Variants in ARHGEF3 observed in about 807,000 individuals in gnomAD.
ARHGEF3 encodes the protein 59.8 kDA protein.
Under a neutral mutation model 63.2 loss-of-function variants are expected in ARHGEF3, and 28 were observed. The observed-to-expected ratio is 0.44, with a 90% confidence interval of 0.33 to 0.61. The LOEUF (loss-of-function observed/expected upper bound fraction) is 0.61. ARHGEF3 is among the 20% of genes least tolerant of loss of function. The pLI, the probability that ARHGEF3 is intolerant of heterozygous loss-of-function variation, is 0.03. For synonymous variants in ARHGEF3, 266 were observed against 254.2 expected (o/e 1.05, Z -0.44); for missense variants, 533 against 659.3 (o/e 0.81, Z 2.10).
Position 57,068,088 on chromosome 3 carries a change from A to G in ARHGEF3, c.-28+11138T>C, listed in dbSNP as rs1390174591. On this transcript the variant is annotated intron_variant, in intron 1 of 12. Coordinates refer to the ARHGEF3 transcript ENST00000338458. Reference sequence around the variant, plus strand: ...CTCTGGAGGCCAAGGCAAGAGGATCACTTGAGCCCAGAGGACACTAGACAC... The same window carrying G: ...CTCTGGAGGCCAAGGCAAGAGGATCGCTTGAGCCCAGAGGACACTAGACAC... Among the ~76,000 whole-genome samples the G allele has an allele frequency of 2.6e-5, 4 of 152,120 alleles. No homozygotes were observed. In the East Asian group the frequency reaches 7.7e-4, roughly 29 times the overall value.
intron 3 of ARHGEF3, among the ~76,000 whole-genome samples, chr3:56,892,350 G>C (rs982601301): frequency 6.6e-6 from 1 of 152,078 alleles, no homozygotes; most frequent in African/African-American, 2.4e-5. Flanking sequence ...GCACAAAATT[G>C]CATTAACCAG....
At chr3:56,944,568 C>T (rs372530253) in intron 3 of ARHGEF3, among the ~76,000 whole-genome samples, 892 of 65,738 alleles carry the variant, frequency 0.014, no homozygotes, top group Admixed American at 0.018. Flanking sequence ...AAAGTGGTTT[C>T]TTTTTTTTTT....
intron 3 of ARHGEF3, among the ~76,000 whole-genome samples, chr3:56,955,201 CT>C (rs1233554108): frequency 7.8e-6 from 1 of 127,530 alleles, no homozygotes; most frequent in Admixed American, 7.9e-5. Flanking sequence ...TTTTTCTTTT[CT>C]TTTTTTTTCT....
intron 2 of ARHGEF3, among the ~76,000 whole-genome samples, chr3:57,020,346 T>A (rs1203363337): frequency 1.3e-5 from 2 of 152,248 alleles, no homozygotes; most frequent in East Asian, 3.9e-4. Flanking sequence ...ACAAAGGGGA[T>A]CGCTGGCCCA....
chr3:56,740,543 T>G (rs2033945055), intron 7 of ARHGEF3, among the ~76,000 whole-genome samples: 1 of 152,214 alleles, frequency 6.6e-6, no homozygotes, highest in East Asian at 1.9e-4. Context: ...ATCCTTCAAA[T>G]TACTTTAACT....
At chr3:57,016,781 A>G (rs1703023699) in intron 2 of ARHGEF3, among the ~76,000 whole-genome samples, 2 of 151,954 alleles carry the variant, frequency 1.3e-5, no homozygotes, top group African/African-American at 4.8e-5. Flanking sequence ...CCCCAGGTCT[A>G]TTCTTATATC....
intron 2 of ARHGEF3, among the ~76,000 whole-genome samples, chr3:56,763,665 C>T (rs1392329288): frequency 2.0e-5 from 3 of 152,168 alleles, no homozygotes; most frequent in Admixed American, 6.5e-5. Flanking sequence ...ACAAGGTTTA[C>T]ACCCCTGGAT....
At chr3:57,050,220 C>A (rs1704616530) in intron 1 of ARHGEF3, among the ~76,000 whole-genome samples, 1 of 152,232 alleles carries the variant, frequency 6.6e-6, no homozygotes. Flanking sequence ...CCCAATCGGC[C>A]AAGTCATTCC....
At chr3:56,825,349 G>A (rs868731491) in intron 4 of ARHGEF3, among the ~76,000 whole-genome samples, 12 of 152,304 alleles carry the variant, frequency 7.9e-5, no homozygotes, top group South Asian at 2.1e-4. Flanking sequence ...CTAAAATGAC[G>A]TTCACAAAAG....
At chr3:56,899,445 T>C (rs2041431832) in intron 3 of ARHGEF3, among the ~76,000 whole-genome samples, 1 of 152,236 alleles carries the variant, frequency 6.6e-6, no homozygotes, top group Admixed American at 6.5e-5. Context: ...ATGCCCAATC[T>C]TTCTCTTCTA....
chr3:56,788,548 C>G (rs946779041), intron 1 of ARHGEF3, among the ~76,000 whole-genome samples: 4 of 152,152 alleles, frequency 2.6e-5, no homozygotes, highest in Admixed American at 2.0e-4. Flanking sequence ...CCCTACATTT[C>G]CAACAAAGGA....
chr3:56,825,534 G>C (rs75247163), intron 4 of ARHGEF3, among the ~76,000 whole-genome samples: 1 of 128,254 alleles, frequency 7.8e-6, no homozygotes. Flanking sequence ...TAGGATCTCA[G>C]AAACCCATCA....
chr3:56,855,473 C>T (rs1275554019), intron 4 of ARHGEF3, among the ~76,000 whole-genome samples: 2 of 151,834 alleles, frequency 1.3e-5, no homozygotes, highest in African/African-American at 2.4e-5. Flanking sequence ...CACTTGAGGT[C>T]AGGAGTTCAA....
intron 2 of ARHGEF3, among the ~76,000 whole-genome samples, chr3:57,013,806 CGGACCAATCAGCTCTCTGTAAAAT>C (rs1302914574): frequency 1.2e-4 from 18 of 152,298 alleles, no homozygotes; most frequent in East Asian, 5.8e-4. Context: ...CCTGTCAAAA[CGGACCAATCAGCTCTCTGTAAAAT>C]GGACCAATCA....
chr3:56,839,692 C>G (rs762497195), intron 4 of ARHGEF3, among the ~76,000 whole-genome samples: 5 of 152,152 alleles, frequency 3.3e-5, no homozygotes, highest in Non-Finnish European at 7.3e-5. Flanking sequence ...CGCCCTATCC[C>G]CAAATCTCAA....
intron 2 of ARHGEF3, among the ~76,000 whole-genome samples, chr3:56,961,722 C>T (rs1262427187): frequency 1.3e-5 from 2 of 152,036 alleles, no homozygotes; most frequent in East Asian, 1.9e-4. Context: ...TTCAGGCTTC[C>T]GGTCATTCAC....
intron 1 of ARHGEF3, among the ~76,000 whole-genome samples, chr3:57,051,583 T>A (rs1704671162): frequency 6.6e-6 from 1 of 152,280 alleles, no homozygotes; most frequent in Non-Finnish European, 1.5e-5. Flanking sequence ...GAACATTTAC[T>A]GAGCCCTCAT....
At chr3:56,785,403 C>T (rs1307991615) in intron 1 of ARHGEF3, among the ~76,000 whole-genome samples, 4 of 152,098 alleles carry the variant, frequency 2.6e-5, no homozygotes, top group African/African-American at 4.8e-5. Context: ...TCCTCCCACC[C>T]GCCCACTGCC....
At chr3:56,946,734 C>G (rs376490393) in intron 3 of ARHGEF3, among the ~76,000 whole-genome samples, 1 of 152,316 alleles carries the variant, frequency 6.6e-6, no homozygotes, top group Admixed American at 6.5e-5. Context: ...CTTCCCCAAT[C>G]TAGCAAGGCA....
Sources: allele counts gnomAD v4.1 joint callset (sites outside exome capture counted in the v4.1 genomes callset), GRCh38; gene constraint gnomAD v4.1.1; transcripts MANE v1.5; gene names NCBI Gene and HGNC (gene_info 2026-07-23, HGNC 2026-07-21).